Variants in MON1A observed in about 807,000 individuals in gnomAD.
MON1A encodes the protein MON1 vesicular trafficking associated A.
Under a neutral mutation model 44.6 loss-of-function variants are expected in MON1A, and 29 were observed. The observed-to-expected ratio is 0.65, with a 90% CI of 0.48 to 0.89. The LOEUF is 0.89. Among genes scored for constraint, MON1A ranks in the 40% least tolerant of loss-of-function variants. The pLI, the probability that MON1A is intolerant of heterozygous loss-of-function variation, is 0.00. For missense variants in MON1A, 615 were observed against 759.6 expected (o/e 0.81, Z 2.24); for synonymous variants, 275 against 316.4 (o/e 0.87, Z 1.39).
chr3:49,917,223 C>T (rs564832298), intron 1 of MON1A, among the ~76,000 whole-genome samples: 1 of 152,324 alleles, frequency 6.6e-6, no homozygotes, highest in Admixed American at 6.5e-5. Context: ...TGGCCTCCCA[C>T]AGTCCTGGGA....
chr3:49,927,915 C>CA (rs200923233), intron 1 of MON1A, among the ~76,000 whole-genome samples: 2,680 of 149,454 alleles, frequency 0.018, 53 homozygotes, highest in African/African-American at 0.058. Flanking sequence ...AAAAAAACAA[C>CA]AAAAAAAAAC....
chr3:49,928,285 A>G (rs575423692), intron 1 of MON1A, among the ~76,000 whole-genome samples: 2 of 152,300 alleles, frequency 1.3e-5, no homozygotes, highest in Admixed American at 1.3e-4. Context: ...CTGGAAACTC[A>G]GACAGGGAGG....
intron 1 of MON1A, among the ~76,000 whole-genome samples, chr3:49,917,117 T>A (rs1333865506): frequency 6.6e-6 from 1 of 151,708 alleles, no homozygotes; most frequent in Non-Finnish European, 1.5e-5. Flanking sequence ...TGAGCCACCA[T>A]GCGTGGATAA....
Position 49,913,921 on chromosome 3 carries a change from A to ATTG in MON1A, c.-13-565_-13-563dup, listed in dbSNP as rs528585597. On this transcript the variant is annotated intron_variant, in intron 1 of 5. Coordinates refer to ENST00000296473, the MANE Select transcript of MON1A (RefSeq NM_032355.4). ...TCAAGTGATCTGCCCCTCTCGGCAG[A>ATTG]TTGTTGTTGTTGTTGTTGTTGAGAC... Among the ~76,000 whole-genome samples, 776 of 149,532 alleles carry ATTG rather than the reference A, an allele frequency of 5.2e-3. 11 individuals carry two copies. The highest frequency in any genetic ancestry group is 0.017 in the African/African-American group (694 of 40,554).
intron 1 of MON1A, among the ~76,000 whole-genome samples, chr3:49,913,693 C>T (rs1478420903): frequency 4.1e-5 from 5 of 121,812 alleles, no homozygotes; most frequent in African/African-American, 3.1e-5. Context: ...GACAGTGTCT[C>T]GCTCTGCCGC....
At chr3:49,918,828 C>T (rs1234617636) in intron 1 of MON1A, among the ~76,000 whole-genome samples, 5 of 152,168 alleles carry the variant, frequency 3.3e-5, no homozygotes, top group African/African-American at 1.2e-4. Context: ...AGCTGTCCCT[C>T]CTCATCAGTT....
intron 1 of MON1A, 135 bp from the exon 2 acceptor site, chr3:49,913,494 ATTCCTTTC>A: frequency 3.9e-6 from 3 of 778,996 alleles, no homozygotes; most frequent in Non-Finnish European, 5.9e-6. Flanking sequence ...GATTCTGAGA[ATTCCTTTC>A]AAAAAAATAT....
At chr3:49,929,166 G>C (rs1395652160) in intron 1 of MON1A, among the ~76,000 whole-genome samples, 1 of 152,222 alleles carries the variant, frequency 6.6e-6, no homozygotes, top group Non-Finnish European at 1.5e-5. Flanking sequence ...AGGTTGCAGA[G>C]AGCTGAGATC....
chr3:49,909,048 T>A lies in MON1A; in HGVS notation c.1634A>T (p.Asp545Val). The A allele has an allele frequency of 6.2e-7, 1 of 1,613,746 alleles. No individual in the cohort carries two copies. The highest frequency in any genetic ancestry group is 1.3e-5 in the African/African-American group (1 of 75,022). ...GAGGGGCGTGAGAATGAAGAGGCGG[T>A]CTTCCTCTTTGCGGATCCAGCGCAT... is the stretch of plus-strand genomic sequence containing the variant. ...KLMRWIRKEEDRLFILTPLTY is the reference protein window; with the variant it reads ...KLMRWIRKEEVRLFILTPLTY Residue 545 changes from aspartate (D) to valine (V), a missense_variant, in exon 6 of 6, where the codon GAC (aspartate) becomes GTC (valine). By Grantham distance (152) the Asp-to-Val change is radical (BLOSUM62 -3). Coordinates refer to ENST00000296473, the MANE Select transcript of MON1A (RefSeq NM_032355.4). The surrounding 1 kb of genome is among the most constrained non-coding windows in gnomAD (Gnocchi z 4.0).
chr3:49,910,189 C>T lies in MON1A; in HGVS notation c.1309G>A (p.Val437Ile), dbSNP rs200472590. 1.2e-5 allele frequency: 19 copies of T among 1,612,814 alleles called. No homozygotes were observed. The African/African-American group carries it at 2.4e-4, about 20-fold the overall frequency. The change falls in exon 4 of 6, where the codon GTT (valine) becomes ATT (isoleucine). Residue 437 changes from valine (V) to isoleucine (I), a missense_variant. Val to Ile is a conservative substitution (Grantham distance 29). Coordinates refer to ENST00000296473, the MANE Select transcript of MON1A (RefSeq NM_032355.4). This position sits in a 1 kb window ranked among gnomAD's most constrained non-coding sequence, Gnocchi z 8.0. The part of the protein sequence containing the change: ...REALRTPYYS[V>I]AQVGIPDLRH... ...AGGTCAGGGATGCCCACTTGGGCAA[C>T]GCTGTAGTAGGGTGTGCGCAGTGCC...
chr3:49,927,965 C>T (rs975768198), intron 1 of MON1A, among the ~76,000 whole-genome samples: 4 of 151,884 alleles, frequency 2.6e-5, no homozygotes, highest in Non-Finnish European at 5.9e-5. Context: ...TGCTCTGTGA[C>T]GTTGCACTTT....
At chr3:49,920,165 A>G (rs958035517) in intron 1 of MON1A, among the ~76,000 whole-genome samples, 3 of 152,212 alleles carry the variant, frequency 2.0e-5, no homozygotes, top group Admixed American at 6.5e-5. Flanking sequence ...AAGGTCACCA[A>G]CGACCTCCAG....
At chr3:49,929,121 C>T (rs2083073756) in intron 1 of MON1A, among the ~76,000 whole-genome samples, 1 of 152,208 alleles carries the variant, frequency 6.6e-6, no homozygotes, top group Admixed American at 6.5e-5. Flanking sequence ...ACTCGGGAGG[C>T]TGAGGCAGGA....
chr3:49,913,371 A>C lies in MON1A; in HGVS notation c.-13-12T>G, dbSNP rs1164245720. On this transcript the variant is annotated splice_polypyrimidine_tract_variant and intron_variant, in intron 1 of 5. Transcript: ENST00000296473. Reference sequence around the variant, plus strand: ...TCCTTTGAGCTCTCCTGTGGGGCAAACAAATGCAACATCGATGGCTTTTGG... The same window carrying C: ...TCCTTTGAGCTCTCCTGTGGGGCAACCAAATGCAACATCGATGGCTTTTGG... The C allele has an allele frequency of 6.2e-7, 1 of 1,600,740 alleles. No homozygotes were observed. Among genetic ancestry groups the C allele is most frequent in the South Asian group, 1.1e-5 (1 of 90,496 alleles).
chr3:49,914,755 C>T (rs2082928680), intron 1 of MON1A, among the ~76,000 whole-genome samples: 1 of 151,140 alleles, frequency 6.6e-6, no homozygotes, highest in African/African-American at 2.4e-5. Context: ...ACCATCTTGG[C>T]TAGGTTGGTC....
chr3:49,914,098 T>C (rs2082920898), intron 1 of MON1A, among the ~76,000 whole-genome samples: 1 of 150,826 alleles, frequency 6.6e-6, no homozygotes, highest in South Asian at 2.1e-4. Context: ...TTCTTTTTTT[T>C]TTTTTTTTTG....
chr3:49,925,269 C>T (rs2083043719), intron 1 of MON1A, among the ~76,000 whole-genome samples: 1 of 151,972 alleles, frequency 6.6e-6, no homozygotes, highest in Admixed American at 6.6e-5. Flanking sequence ...CATGTGCCAC[C>T]ATGCCTGGCT....
Position 49,911,847 on chromosome 3 carries a change from T to G in MON1A, c.292A>C (p.Ser98Arg), listed in dbSNP as rs1167290132. The G allele has an allele frequency of 1.2e-6, 2 of 1,614,106 alleles. No homozygotes were observed. Among genetic ancestry groups the G allele is most frequent in the Non-Finnish European group, 1.7e-6 (2 of 1,180,008 alleles). ...RQISQDFSEL[S>R]TQLTGVARDL... ...CGGGCCACACCCGTCAGCTGGGTGC[T>G]TAGCTCGCTAAAGTCCTGGCTGATC... The change falls in exon 3 of 6, where the codon AGC (serine) becomes CGC (arginine). Residue 98 changes from serine to arginine, a missense_variant. Ser to Arg is a moderately radical substitution (Grantham distance 110). Transcript: ENST00000296473. This position sits in a 1 kb window ranked among gnomAD's most constrained non-coding sequence, Gnocchi z 5.7.
intron 1 of MON1A, chr3:49,924,556 G>A (rs1278474680): frequency 3.5e-6 from 1 of 286,462 alleles, no homozygotes; most frequent in Middle Eastern, 5.5e-4. Flanking sequence ...ACGGGCGCCT[G>A]TAATCCCAAC....
Sources: allele counts gnomAD v4.1 joint callset (sites outside exome capture counted in the v4.1 genomes callset), GRCh38; gene constraint gnomAD v4.1.1; non-coding constraint Gnocchi (gnomAD v3.1); transcripts MANE v1.5; gene names NCBI Gene and HGNC (gene_info 2026-07-23, HGNC 2026-07-21).